The following STRBP variants were observed in gnomAD, a reference collection of about 807,000 sequenced individuals.
STRBP encodes spermatid perinuclear RNA binding protein, also known as spermatid perinuclear RNA-binding protein.
STRBP carries 13 observed loss-of-function variants against 80.1 expected under a neutral mutation model. The observed-to-expected ratio is 0.16, with a 90% confidence interval of 0.11 to 0.26. The LOEUF (loss-of-function observed/expected upper bound fraction) is 0.26, where lower values mean the gene tolerates loss of function less well. STRBP is among the 10% of genes least tolerant of loss of function. The pLI is 1.00. For missense variants in STRBP, 485 were observed against 815.2 expected, an observed-to-expected ratio of 0.59 and a Z score of 4.93; for synonymous variants, 284 against 291.2, an observed-to-expected ratio of 0.98 and a Z score of 0.25.
intron 3 of STRBP, chr9:123,111,566 A>G (rs2035567183): frequency 2.1e-6 from 1 of 476,224 alleles, no homozygotes; most frequent in Non-Finnish European, 4.4e-6. Context: ...GGCCTGAGCA[A>G]GGCTCTTGTC....
At chr9:123,199,573 T>C (rs1478910104) in intron 2 of STRBP, among the ~76,000 whole-genome samples, 2 of 152,234 alleles carry the variant, frequency 1.3e-5, no homozygotes, top group African/African-American at 4.8e-5. Context: ...TGCTTTGTAG[T>C]TCTCCTTGTA....
chr9:123,118,700 C>G (rs887532315), downstream of STRBP, among the ~76,000 whole-genome samples: 5 of 152,220 alleles, frequency 3.3e-5, no homozygotes, highest in African/African-American at 1.2e-4. Context: ...ATCTTATTTG[C>G]CTCCTTAAAG....
At chr9:123,222,461 A>G (rs2040097467) in intron 2 of STRBP, among the ~76,000 whole-genome samples, 1 of 152,132 alleles carries the variant, frequency 6.6e-6, no homozygotes, top group African/African-American at 2.4e-5. Flanking sequence ...GCTGGCTGCC[A>G]TTGCTTTTAG....
At chr9:123,143,472 C>A (rs745402612) in intron 13 of STRBP, among the ~76,000 whole-genome samples, 3 of 152,192 alleles carry the variant, frequency 2.0e-5, no homozygotes, top group Non-Finnish European at 2.9e-5. Flanking sequence ...CCTCACCAAG[C>A]GATTGAGTAA....
Position 123,259,998 on chromosome 9 carries a change from G to C in STRBP, c.-302+8438C>G, listed in dbSNP as rs557657540. ...TAAAAATCTCACTAGAGTGGTTTCC[G>C]GAGAGAACATGAGAACTAAAGATGA... On this transcript the variant is annotated intron_variant, in intron 1 of 18. Transcript: ENST00000348403. Among the ~76,000 whole-genome samples the C allele has an allele frequency of 2.9e-3, 434 of 152,250 alleles. 1 individual carries two copies. Among genetic ancestry groups the C allele is most frequent in the Middle Eastern group, 0.014 (4 of 294 alleles).
chr9:123,224,987 G>C (rs1393343829), intron 2 of STRBP, among the ~76,000 whole-genome samples: 1 of 152,174 alleles, frequency 6.6e-6, no homozygotes, highest in Non-Finnish European at 1.5e-5. Flanking sequence ...ACAATGGATA[G>C]TGTTATACTC....
At chr9:123,233,302 T>C (rs1326641457) in intron 2 of STRBP, among the ~76,000 whole-genome samples, 1 of 152,180 alleles carries the variant, frequency 6.6e-6, no homozygotes, top group Non-Finnish European at 1.5e-5. Context: ...CTCAAACCCC[T>C]GGCCTCAAAC....
chr9:123,203,418 CT>C (rs2039400325), intron 2 of STRBP, among the ~76,000 whole-genome samples: 1 of 151,972 alleles, frequency 6.6e-6, no homozygotes. Context: ...TAATAGTTTC[CT>C]GTCTCTGAGT....
At position 123,161,005 on chromosome 9, in the gene STRBP, G is replaced by A. The variant is rs771330813; in HGVS notation, c.599C>T (p.Ala200Val). The A allele has an allele frequency of 5.0e-6, 8 of 1,589,446 alleles. No homozygotes were observed. The highest frequency in any genetic ancestry group is 4.1e-5 in the African/African-American group (3 of 72,632). ...LDRQKCLNAL[A>V]SLRHAKWFQA... ...AAACCATTTGGCATGTCGAAGAGAC[G>A]CCAAGGCGTTCAGGCATTTCTGCCT... is the stretch of plus-strand genomic sequence containing the variant. Residue 200 changes from alanine (A) to valine (V), a missense_variant, in exon 7 of 19, where the codon GCG becomes GTG. Coordinates refer to ENST00000348403, the MANE Select transcript of STRBP (RefSeq NM_018387.5).
intron 2 of STRBP, among the ~76,000 whole-genome samples, chr9:123,227,477 T>C (rs963230818): frequency 6.6e-6 from 1 of 151,940 alleles, no homozygotes; most frequent in Non-Finnish European, 1.5e-5. Flanking sequence ...AGTTTGGCTG[T>C]TACTGAGTGA....
At chr9:123,253,810 A>G (rs1422577227) in intron 1 of STRBP, among the ~76,000 whole-genome samples, 2 of 152,242 alleles carry the variant, frequency 1.3e-5, no homozygotes, top group Non-Finnish European at 2.9e-5. Flanking sequence ...ACAAAGCACT[A>G]GGAGTGACCT....
chr9:123,111,637 G>A lies in STRBP; in HGVS notation c.*85-1884C>T, dbSNP rs147291680. On this transcript the variant is annotated intron_variant and NMD_transcript_variant, in intron 3 of 3. Transcript: ENST00000471564. ...TCCTATGAAGCTGGAGCCACAGCAC[G>A]TGACTTGCTGTCACAGGAAAGGCCA... The A allele has an allele frequency of 6.5e-3, 3,078 of 476,322 alleles. 23 individuals are homozygous for A. The highest frequency in any genetic ancestry group is 8.3e-3 in the Non-Finnish European group (1,904 of 229,204). 29.5% of individuals were successfully genotyped at this position (476,322 alleles called of 1,614,324 possible).
At chr9:123,188,625 G>C (rs966493165) in intron 2 of STRBP, among the ~76,000 whole-genome samples, 18 of 152,146 alleles carry the variant, frequency 1.2e-4, no homozygotes, top group African/African-American at 3.9e-4. Flanking sequence ...CTGAGTGACA[G>C]AGTGAGACTC....
intron 3 of STRBP, chr9:123,180,807 T>G: frequency 4.1e-6 from 2 of 483,558 alleles, no homozygotes; most frequent in Non-Finnish European, 5.4e-6. Context: ...GATAACTTAG[T>G]GAGTTTTCCA....
chr9:123,173,912 C>G, intron 4 of STRBP, 70 bp from the exon 5 acceptor site: 1 of 1,490,614 alleles, frequency 6.7e-7, no homozygotes, highest in Non-Finnish European at 9.0e-7. Flanking sequence ...CATCACTTGG[C>G]TTCCTGAATA....
intron 12 of STRBP, among the ~76,000 whole-genome samples, chr9:123,147,403 C>G (rs997905957): frequency 1.3e-5 from 2 of 152,086 alleles, no homozygotes; most frequent in African/African-American, 4.8e-5. Context: ...TGGCCAGGCA[C>G]AGTCGCTCAT....
intron 1 of STRBP, among the ~76,000 whole-genome samples, chr9:123,244,981 CAAA>C (rs2132615630): frequency 6.6e-6 from 1 of 152,290 alleles, no homozygotes; most frequent in Admixed American, 6.5e-5. Context: ...TAAAAAGGAA[CAAA>C]CTACTGACAC....
At chr9:123,257,203 G>C (rs1041954216) in intron 1 of STRBP, among the ~76,000 whole-genome samples, 11 of 151,900 alleles carry the variant, frequency 7.2e-5, no homozygotes, top group African/African-American at 2.7e-4. Context: ...CAAATCTTGA[G>C]CATTCTTATT....
At chr9:123,174,882 T>C (rs1346316664) in intron 4 of STRBP, among the ~76,000 whole-genome samples, 8 of 152,172 alleles carry the variant, frequency 5.3e-5, no homozygotes, top group Admixed American at 2.6e-4. Flanking sequence ...CAAATGAAAA[T>C]AGTAACTAAG....
Sources: gnomAD v4.1 joint callset for allele counts (sites outside exome capture counted in the v4.1 genomes callset) on GRCh38, gnomAD v4.1.1 for gene constraint, MANE v1.5 for transcripts, NCBI Gene and HGNC (gene_info 2026-07-23, HGNC 2026-07-21) for gene names.